The following CACNA1C variants were observed in gnomAD, a reference collection of about 807,000 sequenced individuals.
The protein encoded by CACNA1C is voltage-dependent L-type calcium channel subunit alpha-1C.
In CACNA1C, 30 loss-of-function variants were observed where a neutral mutation model predicts 229.0. That is an observed-to-expected ratio of 0.13 (90% CI 0.10 to 0.18). The LOEUF (loss-of-function observed/expected upper bound fraction) is 0.18, where lower values mean the gene tolerates loss of function less well. Ranked by LOEUF, CACNA1C falls within the 10% of genes least tolerant of loss-of-function variation. The probability of loss-of-function intolerance (pLI) is 1.00; values close to 1 mark genes in which losing one functional copy is unlikely to be tolerated. For missense variants in CACNA1C, 1,658 were observed against 2,845.0 expected (o/e 0.58, Z 9.49); for synonymous variants, 1,114 against 1,132.5 (o/e 0.98, Z 0.33).
At chr12:2,183,869 C>G (rs2096918498) in intron 3 of CACNA1C, among the ~76,000 whole-genome samples, 1 of 152,254 alleles carries the variant, frequency 6.6e-6, no homozygotes, top group African/African-American at 2.4e-5. Context: ...TTAGTTGTCA[C>G]CAGCCTGAAA....
At chr12:2,334,286 TTTACCAGCATATG>T (rs2096630119) in intron 3 of CACNA1C, among the ~76,000 whole-genome samples, 2 of 152,168 alleles carry the variant, frequency 1.3e-5, no homozygotes, top group South Asian at 4.1e-4. Flanking sequence ...TCAGCAGACA[TTTACCAGCATATG>T]CCAGTCACTC....
chr12:2,315,332 G>A (rs2095634690), intron 3 of CACNA1C, among the ~76,000 whole-genome samples: 1 of 152,172 alleles, frequency 6.6e-6, no homozygotes, highest in African/African-American at 2.4e-5. Context: ...CAACAATCTG[G>A]GCACGAGAGA....
intron 3 of CACNA1C, among the ~76,000 whole-genome samples, chr12:2,266,862 G>A (rs1232149244): frequency 3.3e-5 from 5 of 152,164 alleles, no homozygotes; most frequent in Admixed American, 1.3e-4. Flanking sequence ...GTGCTGCCTA[G>A]GGAAATGTAC....
chr12:2,664,366 TC>T (rs1254748573), intron 34 of CACNA1C, among the ~76,000 whole-genome samples: 1 of 152,236 alleles, frequency 6.6e-6, no homozygotes, highest in Non-Finnish European at 1.5e-5. Context: ...AACTGGCAAT[TC>T]CACTTCTAAG....
At chr12:2,223,274 G>C (rs895363744) in intron 3 of CACNA1C, 3 of 152,248 alleles carry the variant, frequency 2.0e-5, no homozygotes, top group African/African-American at 7.2e-5. Context: ...TTTGGGTAAA[G>C]GGAGATGAAG....
rs117763336 is a variant in CACNA1C, at chr12:2,352,912, C to T, written c.478-96064C>T. On this transcript the variant is annotated intron_variant, in intron 3 of 46. Transcript: ENST00000399655. ...GACTTTCTCAGAGCAGTGGCGAGGA[C>T]CAAATCAGACTCTGCAAGACAAATG... Among the ~76,000 whole-genome samples the T allele has an allele frequency of 2.4e-3, 373 of 152,276 alleles. 2 individuals carry two copies. Among genetic ancestry groups the T allele is most frequent in the Non-Finnish European group, 3.7e-3 (251 of 68,038 alleles).
chr12:2,071,583 C>G (rs1302010806), intron 1 of CACNA1C, among the ~76,000 whole-genome samples: 2 of 152,068 alleles, frequency 1.3e-5, no homozygotes, highest in Admixed American at 6.5e-5. Flanking sequence ...TCCTCTGGAA[C>G]TCTATTATTA....
At chr12:2,380,356 A>G (rs1413736600) in intron 3 of CACNA1C, among the ~76,000 whole-genome samples, 1 of 152,186 alleles carries the variant, frequency 6.6e-6, no homozygotes, top group Non-Finnish European at 1.5e-5. Flanking sequence ...TACAGGCACA[A>G]TCTTGCAATT....
At chr12:2,542,743 G>A (rs1398149203) in intron 9 of CACNA1C, among the ~76,000 whole-genome samples, 1 of 152,144 alleles carries the variant, frequency 6.6e-6, no homozygotes, top group African/African-American at 2.4e-5. Context: ...GGGAGACACT[G>A]GTGCTGTAAG....
chr12:2,115,941 C>T (rs1357624537), intron 2 of CACNA1C, among the ~76,000 whole-genome samples: 1 of 152,206 alleles, frequency 6.6e-6, no homozygotes, highest in Non-Finnish European at 1.5e-5. Context: ...CTGCCTCATT[C>T]CCTTCTTTCC....
chr12:2,255,579 A>ACCCTTCTGGCT (rs2077147054), intron 3 of CACNA1C, among the ~76,000 whole-genome samples: 1 of 152,242 alleles, frequency 6.6e-6, no homozygotes, highest in East Asian at 1.9e-4. Context: ...GGCAGCCAGA[A>ACCCTTCTGGCT]GGGGCACTTC....
rs990632301 is a variant in CACNA1C at position 2,601,180 on chromosome 12, T to G, written c.2854-674T>G. Among the ~76,000 whole-genome samples the G allele has an allele frequency of 2.6e-5, 4 of 152,144 alleles. No homozygotes were observed. Among genetic ancestry groups the G allele is most frequent in the African/African-American group, 9.7e-5 (4 of 41,416 alleles). On this transcript the variant is annotated intron_variant, in intron 21 of 46. Coordinates refer to ENST00000399655, the MANE Select transcript of CACNA1C (RefSeq NM_000719.7). The surrounding 1 kb of genome is among the most constrained non-coding windows in gnomAD (Gnocchi z 5.9). ...GGACAGTAGAATTGAGTTTAGAATA[T>G]TTGGCATCAATAATAAGCACCCTTT...
chr12:1,985,190 T>C (rs575562550), intron 1 of CACNA1C, among the ~76,000 whole-genome samples: 18 of 152,296 alleles, frequency 1.2e-4, no homozygotes, highest in Non-Finnish European at 2.4e-4. Flanking sequence ...GTTTTGGACA[T>C]TATTTTTTCA....
At chr12:1,982,638 T>C (rs2036495143) in intron 1 of CACNA1C, among the ~76,000 whole-genome samples, 1 of 152,192 alleles carries the variant, frequency 6.6e-6, no homozygotes, top group Non-Finnish European at 1.5e-5. Context: ...GTTTGGGTTA[T>C]TCCCACCATT....
intron 1 of CACNA1C, chr12:2,020,567 G>A (rs141899040): frequency 6.6e-6 from 1 of 152,310 alleles, no homozygotes; most frequent in East Asian, 1.9e-4. Context: ...GGAGACAGTA[G>A]GAAAGGAGAA....
intron 29 of CACNA1C, among the ~76,000 whole-genome samples, chr12:2,625,024 G>A (rs1484049641): frequency 6.6e-6 from 1 of 152,164 alleles, no homozygotes; most frequent in Non-Finnish European, 1.5e-5. Context: ...AGTGCCCACG[G>A]GGCACCGGGT....
intron 1 of CACNA1C, among the ~76,000 whole-genome samples, chr12:2,018,850 C>T (rs893073795): frequency 3.0e-4 from 45 of 152,172 alleles, no homozygotes; most frequent in East Asian, 1.9e-4. Flanking sequence ...TTTTCCCTTA[C>T]GATAACATTG....
chr12:2,278,969 T>G (rs569068714), intron 3 of CACNA1C, among the ~76,000 whole-genome samples: 1 of 152,348 alleles, frequency 6.6e-6, no homozygotes, highest in African/African-American at 2.4e-5. Context: ...TGTTTTAAAT[T>G]TGCATTTTCC....
intron 29 of CACNA1C, among the ~76,000 whole-genome samples, chr12:2,623,781 C>G (rs1349801776): frequency 6.6e-6 from 1 of 152,114 alleles, no homozygotes; most frequent in African/African-American, 2.4e-5. Flanking sequence ...TGCCCCTCCT[C>G]GCAAAAGTGA....
Sources: gnomAD v4.1 joint callset for allele counts (sites outside exome capture counted in the v4.1 genomes callset) on GRCh38, gnomAD v4.1.1 for gene constraint, Gnocchi (gnomAD v3.1) non-coding constraint, MANE v1.5 for transcripts, NCBI Gene and HGNC (gene_info 2026-07-23, HGNC 2026-07-21) for gene names.